PDE4B: variants seen among roughly 807,000 people sequenced by gnomAD.
PDE4B encodes the protein 3',5'-cyclic-AMP phosphodiesterase 4B.
In PDE4B, 20 loss-of-function variants were observed where a neutral mutation model predicts 82.2. The observed-to-expected ratio is 0.24, with a 90% CI of 0.17 to 0.35. PDE4B has a LOEUF of 0.35. Among genes scored for constraint, PDE4B ranks in the 10% least tolerant of loss-of-function variants. PDE4B has a pLI of 1.00. For synonymous variants in PDE4B, 320 were observed against 318.9 expected, an observed-to-expected ratio of 1.00 and a Z score of -0.04; for missense variants, 655 against 907.2, an observed-to-expected ratio of 0.72 and a Z score of 3.57.
At chr1:66,199,136 T>C (rs567078574) in intron 3 of PDE4B, among the ~76,000 whole-genome samples, 5 of 151,896 alleles carry the variant, frequency 3.3e-5, no homozygotes, top group Non-Finnish European at 7.4e-5. Flanking sequence ...AGTAATGGGA[T>C]GGCTGGGTCA....
At chr1:66,312,904 C>T (rs762264081) in intron 7 of PDE4B, among the ~76,000 whole-genome samples, 8 of 152,178 alleles carry the variant, frequency 5.3e-5, no homozygotes, top group Non-Finnish European at 8.8e-5. Context: ...AAAAAGTTTA[C>T]CTCTGCTCTG....
chr1:65,964,875 TATA>T (rs1649731851), intron 3 of PDE4B, among the ~76,000 whole-genome samples: 1 of 151,948 alleles, frequency 6.6e-6, no homozygotes. Flanking sequence ...ACTAGAAAAA[TATA>T]ATAATTTAAC....
intron 7 of PDE4B, among the ~76,000 whole-genome samples, chr1:66,322,530 G>T (rs1659475661): frequency 6.6e-6 from 1 of 152,084 alleles, no homozygotes; most frequent in South Asian, 2.1e-4. Context: ...CTCAAAAGAA[G>T]ACATTGATGC....
intron 3 of PDE4B, among the ~76,000 whole-genome samples, chr1:66,138,664 C>T (rs894426816): frequency 6.6e-6 from 1 of 152,142 alleles, no homozygotes; most frequent in South Asian, 2.1e-4. Flanking sequence ...GTTAATACAA[C>T]ACTAATGGCT....
intron 7 of PDE4B, among the ~76,000 whole-genome samples, chr1:66,304,628 A>T (rs1275295129): frequency 6.6e-6 from 1 of 152,124 alleles, no homozygotes; most frequent in Admixed American, 6.6e-5. Context: ...TCTTCAAATG[A>T]CATAGAGGGG....
rs1335629232 is a variant in PDE4B, at chr1:65,793,242, G to C, written c.-77G>C. 6.6e-6 allele frequency: 1 copy of C among 152,472 alleles called. No individual in the cohort carries two copies. Among genetic ancestry groups the C allele is most frequent in the Non-Finnish European group, 1.5e-5 (1 of 68,288 alleles). 9.4% of individuals were successfully genotyped at this position (152,472 alleles called of 1,614,324 possible). On this transcript the variant is annotated 5_prime_UTR_variant, in exon 1 of 17. Coordinates refer to ENST00000341517, the MANE Select transcript of PDE4B (RefSeq NM_002600.4). ...GAGGAGGGCGGCTTCTGCGAGGGCA[G>C]CCTGAGGTAAGGGCTGCCTAGGAGG...
intron 7 of PDE4B, among the ~76,000 whole-genome samples, chr1:66,288,317 A>G (rs989251626): frequency 6.6e-6 from 1 of 152,064 alleles, no homozygotes. Context: ...TTGATGAGAA[A>G]ACCAACCACA....
intron 8 of PDE4B, among the ~76,000 whole-genome samples, chr1:66,351,659 A>G (rs1478085561): frequency 1.3e-5 from 2 of 152,226 alleles, no homozygotes; most frequent in African/African-American, 4.8e-5. Context: ...TTATCATACA[A>G]GTATGAAATG....
At chr1:66,076,434 C>G (rs1240717145) in intron 3 of PDE4B, among the ~76,000 whole-genome samples, 1 of 152,130 alleles carries the variant, frequency 6.6e-6, no homozygotes, top group Non-Finnish European at 1.5e-5. Context: ...AGTTGATGGG[C>G]ACCTGGGTTG....
intron 8 of PDE4B, among the ~76,000 whole-genome samples, chr1:66,351,250 A>G (rs1661795654): frequency 1.3e-5 from 2 of 152,350 alleles, no homozygotes; most frequent in South Asian, 4.1e-4. Flanking sequence ...TTTTCCTGTG[A>G]AGGCAGATTC....
intron 13 of PDE4B, among the ~76,000 whole-genome samples, chr1:66,366,469 T>C (rs1046705200): frequency 6.6e-6 from 1 of 152,188 alleles, no homozygotes; most frequent in Non-Finnish European, 1.5e-5. Context: ...GAAATCTAAG[T>C]ACTTTGAGAA....
intron 7 of PDE4B, among the ~76,000 whole-genome samples, chr1:66,325,060 T>A (rs569058077): frequency 2.4e-4 from 36 of 152,294 alleles, no homozygotes; most frequent in Non-Finnish European, 4.4e-4. Context: ...CATAAAGAGA[T>A]GCCAATTCCT....
chr1:66,030,441 G>T (rs562914189), intron 3 of PDE4B, among the ~76,000 whole-genome samples: 3 of 152,164 alleles, frequency 2.0e-5, no homozygotes, highest in Non-Finnish European at 4.4e-5. Flanking sequence ...AGTTCTCCTT[G>T]CATGTCTGGT....
chr1:65,839,564 C>T (rs1646183287), intron 1 of PDE4B, among the ~76,000 whole-genome samples: 1 of 152,100 alleles, frequency 6.6e-6, no homozygotes, highest in Non-Finnish European at 1.5e-5. Context: ...ATGATGGTTT[C>T]CAGTTTCATC....
intron 1 of PDE4B, among the ~76,000 whole-genome samples, chr1:65,807,035 G>T (rs1645762522): frequency 6.6e-6 from 1 of 152,184 alleles, no homozygotes; most frequent in Non-Finnish European, 1.5e-5. Flanking sequence ...GCAAGGTAAA[G>T]AGAAACTTGA....
chr1:66,266,301 T>G (rs147084491), intron 7 of PDE4B: 1 of 582,050 alleles, frequency 1.7e-6, no homozygotes, highest in East Asian at 2.9e-5. Flanking sequence ...GCCCATTGTA[T>G]GTGCAGGCTT....
chr1:66,249,321 G>A (rs1437199486), intron 4 of PDE4B, among the ~76,000 whole-genome samples: 1 of 152,198 alleles, frequency 6.6e-6, no homozygotes, highest in East Asian at 1.9e-4. Context: ...AATTCACATA[G>A]TATTTTACAG....
chr1:66,174,528 C>A (rs937131619), intron 3 of PDE4B, among the ~76,000 whole-genome samples: 3 of 152,158 alleles, frequency 2.0e-5, no homozygotes, highest in African/African-American at 7.2e-5. Flanking sequence ...GAGGCCGAGG[C>A]GGGCGGATCA....
At chr1:66,093,256 G>A (rs1373542549) in intron 3 of PDE4B, among the ~76,000 whole-genome samples, 2 of 152,022 alleles carry the variant, frequency 1.3e-5, no homozygotes, top group Non-Finnish European at 2.9e-5. Context: ...ATGGGGTGGG[G>A]TGGAGAAAAT....
Sources: gnomAD v4.1 joint callset for allele counts (sites outside exome capture counted in the v4.1 genomes callset) on GRCh38, gnomAD v4.1.1 for gene constraint, MANE v1.5 for transcripts, NCBI Gene and HGNC (gene_info 2026-07-23, HGNC 2026-07-21) for gene names.